The following ALMS1 variants were observed in gnomAD, a reference collection of about 807,000 sequenced individuals.
The protein encoded by ALMS1 is ALMS1 centrosome and basal body associated protein.
ALMS1 carries 271 observed loss-of-function variants against 352.2 expected under a neutral mutation model. The observed-to-expected ratio is 0.77, with a 90% CI of 0.70 to 0.85. ALMS1 has a LOEUF of 0.85. Ranked by LOEUF, ALMS1 falls within the 40% of genes least tolerant of loss-of-function variation. The pLI is 0.00. For missense variants in ALMS1, 5,445 were observed against 4,870.7 expected, an observed-to-expected ratio of 1.12 and a Z score of -3.51; for synonymous variants, 1,865 against 1,761.2, an observed-to-expected ratio of 1.06 and a Z score of -1.48.
intron 16 of ALMS1, among the ~76,000 whole-genome samples, chr2:73,598,573 T>A (rs1418259178): frequency 6.6e-6 from 1 of 152,170 alleles, no homozygotes; most frequent in African/African-American, 2.4e-5. Flanking sequence ...ATATGCTCAG[T>A]TTCCTATCCT....
At chr2:73,516,488 T>TA (rs1485421127) in intron 10 of ALMS1, among the ~76,000 whole-genome samples, 1 of 152,162 alleles carries the variant, frequency 6.6e-6, no homozygotes, top group Non-Finnish European at 1.5e-5. Context: ...AAAAAACACA[T>TA]ATAATCAATA....
At chr2:73,463,944 G>A (rs1205140860) in intron 9 of ALMS1, among the ~76,000 whole-genome samples, 1 of 152,200 alleles carries the variant, frequency 6.6e-6, no homozygotes, top group Admixed American at 6.5e-5. Flanking sequence ...TGAAATTGAG[G>A]CAATAATCAA....
rs58122480 is a variant in ALMS1 at position 73,404,899 on chromosome 2, C to CTT, written c.325-3694_325-3693dup. On this transcript the variant is annotated intron_variant, in intron 1 of 22. Transcript: ENST00000613296. ...CCAGTGAAGCTTTCTTGTCCTGGACCTTTTTTTTTTTTTTTTTTTTTTTTT... is the reference window on the plus strand; with the variant it reads ...CCAGTGAAGCTTTCTTGTCCTGGACCTTTTTTTTTTTTTTTTTTTTTTTTTTT... Among the ~76,000 whole-genome samples the CTT allele has an allele frequency of 2.0e-3, 124 of 60,780 alleles. 14 individuals are homozygous for CTT. The highest frequency in any genetic ancestry group is 5.5e-3 in the East Asian group (16 of 2,900). The allele number at this position is 60,780 out of a possible 152,430, so 39.9% of individuals were successfully genotyped here.
intron 10 of ALMS1, among the ~76,000 whole-genome samples, chr2:73,496,789 A>T (rs1459082919): frequency 6.6e-6 from 1 of 152,212 alleles, no homozygotes; most frequent in South Asian, 2.1e-4. Flanking sequence ...GTACAGTGGT[A>T]TCTCAACATA....
At chr2:73,555,908 T>C (rs1674531350) in intron 13 of ALMS1, among the ~76,000 whole-genome samples, 2 of 152,168 alleles carry the variant, frequency 1.3e-5, no homozygotes, top group Admixed American at 6.5e-5. Flanking sequence ...CAGACAGTAT[T>C]GTACCCTTCG....
chr2:73,450,339 C>A lies in ALMS1; in HGVS notation c.3812C>A (p.Pro1271Gln), dbSNP rs372563916. 1.7e-4 allele frequency: 267 copies of A among 1,612,656 alleles called. No individual in the cohort carries two copies. Among genetic ancestry groups the A allele is most frequent in the Non-Finnish European group, 2.2e-4 (259 of 1,179,632 alleles). Residue 1271 changes from proline (P) to glutamine (Q), a missense_variant, in exon 8 of 23, where the codon CCA becomes CAA. Physicochemically the swap from Pro to Gln is moderately conservative, Grantham distance 76. Transcript: ENST00000613296. ...EALKISVASE[P>Q]VDQTTGTPAV... ...CTGAAAATTTCAGTTGCCTCTGAACCAGTTGACCAGACAACTGGCACACCA... is the reference window on the plus strand; with the variant it reads ...CTGAAAATTTCAGTTGCCTCTGAACAAGTTGACCAGACAACTGGCACACCA...
At chr2:73,474,596 T>A (rs1672545816) in intron 9 of ALMS1, among the ~76,000 whole-genome samples, 2 of 152,060 alleles carry the variant, frequency 1.3e-5, no homozygotes, top group Admixed American at 6.6e-5. Context: ...CACCTCAGTC[T>A]CTCAAAGTGC....
chr2:73,594,966 A>G (rs1030206409), intron 16 of ALMS1, among the ~76,000 whole-genome samples: 2 of 152,152 alleles, frequency 1.3e-5, no homozygotes, highest in Non-Finnish European at 2.9e-5. Context: ...GACCAACACA[A>G]CTTACCACCT....
chr2:73,451,512 C>G lies in ALMS1; in HGVS notation c.4985C>G (p.Ser1662Cys), dbSNP rs776002916. The change falls in exon 8 of 23, where the codon TCT becomes TGT. Residue 1662 changes from serine to cysteine, a missense_variant. Coordinates refer to ENST00000613296, the MANE Select transcript of ALMS1 (RefSeq NM_001378454.1). Reference protein sequence around the residue: ...DQKTETLPVHSTSYSNRGKPV... With the variant: ...DQKTETLPVHCTSYSNRGKPV... The stretch of plus-strand genomic sequence containing the variant: ...AAGACTGAGACATTACCAGTACATT[C>G]TACTAGCTACTCAAATAGGGGGAAG... 13 of 1,614,014 alleles carry G rather than the reference C, an allele frequency of 8.1e-6. No homozygotes were observed. In the South Asian group the frequency reaches 1.4e-4, roughly 18 times the overall value.
intron 1 of ALMS1, among the ~76,000 whole-genome samples, chr2:73,395,895 C>A (rs964047750): frequency 1.3e-5 from 2 of 152,028 alleles, no homozygotes; most frequent in Non-Finnish European, 2.9e-5. Flanking sequence ...AATCTTTTGG[C>A]TTCTCTGGGC....
chr2:73,601,087 A>G (rs566136205), intron 18 of ALMS1, 108 bp from the exon 19 acceptor site: 2 of 1,561,246 alleles, frequency 1.3e-6, no homozygotes, highest in African/African-American at 2.7e-5. Context: ...GGCCTCTGAC[A>G]GCTGAGACCC....
intron 10 of ALMS1, among the ~76,000 whole-genome samples, chr2:73,517,937 C>T (rs529966966): frequency 2.0e-5 from 3 of 152,276 alleles, no homozygotes; most frequent in Admixed American, 6.5e-5. Context: ...GGATTACAGG[C>T]GTGAGCCACC....
chr2:73,423,114 G>C (rs1671315867), intron 4 of ALMS1, 140 bp downstream of exon 4: 2 of 744,486 alleles, frequency 2.7e-6, no homozygotes, highest in Non-Finnish European at 4.8e-6. Flanking sequence ...ACAAAGTCCT[G>C]TACTAAGACT....
At chr2:73,465,846 A>G (rs1051828608) in intron 9 of ALMS1, among the ~76,000 whole-genome samples, 2 of 152,244 alleles carry the variant, frequency 1.3e-5, no homozygotes, top group African/African-American at 4.8e-5. Flanking sequence ...ACACTTCTCA[A>G]AAGAAGACAT....
At chr2:73,472,418 GAA>G (rs1012114148) in intron 9 of ALMS1, among the ~76,000 whole-genome samples, 1 of 151,976 alleles carries the variant, frequency 6.6e-6, no homozygotes, top group African/African-American at 2.4e-5. Flanking sequence ...ATATGATAAA[GAA>G]TATGTATTTG....
chr2:73,461,502 C>T (rs368840727), intron 9 of ALMS1, among the ~76,000 whole-genome samples: 2 of 152,152 alleles, frequency 1.3e-5, no homozygotes, highest in Non-Finnish European at 2.9e-5. Context: ...CACAAAGATG[C>T]AGAAAAAACA....
intron 10 of ALMS1, among the ~76,000 whole-genome samples, chr2:73,498,359 C>CACTTATT (rs1313797530): frequency 6.6e-6 from 1 of 151,796 alleles, no homozygotes; most frequent in Non-Finnish European, 1.5e-5. Context: ...GAAATAAGGA[C>CACTTATT]ATTGTGAAGA....
At chr2:73,536,209 A>T (rs1441895055) in intron 12 of ALMS1, among the ~76,000 whole-genome samples, 1 of 152,228 alleles carries the variant, frequency 6.6e-6, no homozygotes, top group Non-Finnish European at 1.5e-5. Context: ...ACTTACTCAT[A>T]GTTCAGAAGA....
intron 1 of ALMS1, among the ~76,000 whole-genome samples, chr2:73,404,820 GA>G (rs1251351579): frequency 6.7e-6 from 1 of 149,154 alleles, no homozygotes; most frequent in African/African-American, 2.5e-5. Flanking sequence ...AATTTTTTGG[GA>G]TTGTTTCAGG....
Sources: allele counts gnomAD v4.1 joint callset (sites outside exome capture counted in the v4.1 genomes callset), GRCh38; gene constraint gnomAD v4.1.1; transcripts MANE v1.5; gene names NCBI Gene and HGNC (gene_info 2026-07-23, HGNC 2026-07-21).